ANO8: variants seen among roughly 807,000 people sequenced by gnomAD.
The protein encoded by ANO8 is anoctamin 8.
ANO8 carries 67 observed loss-of-function variants against 120.4 expected under a neutral mutation model. That is an observed-to-expected ratio of 0.56 (90% confidence interval 0.46 to 0.68). The LOEUF is 0.68. Among genes scored for constraint, ANO8 ranks in the 30% least tolerant of loss-of-function variants. The pLI is 0.00. For synonymous variants in ANO8, 727 were observed against 759.2 expected, an observed-to-expected ratio of 0.96 and a Z score of 0.70; for missense variants, 1,526 against 1,737.6, an observed-to-expected ratio of 0.88 and a Z score of 2.16.
Position 17,333,906 on chromosome 19 carries a change from G to A in ANO8, c.107-106C>T. 1.1e-6 allele frequency: 1 copy of A among 886,748 alleles called. No individual in the cohort carries two copies. The highest frequency in any genetic ancestry group is 1.8e-6 in the Non-Finnish European group (1 of 557,842). 54.9% of individuals were successfully genotyped at this position (886,748 alleles called of 1,614,324 possible). On this transcript the variant is annotated intron_variant, in intron 1 of 17. Transcript: ENST00000159087. This position sits in a 1 kb window ranked among gnomAD's most constrained non-coding sequence, Gnocchi z 7.2. ...GCCAGGGCTCCTCACCACTCCACCTGGCATTCAAGGCCCCGGGAGCTCTGG... is the reference window on the plus strand; with the variant it reads ...GCCAGGGCTCCTCACCACTCCACCTAGCATTCAAGGCCCCGGGAGCTCTGG...
Position 17,328,156 on chromosome 19 carries a change from C to CGAGGCCCCGCCCCCTG in ANO8, c.2226+5_2226+6insCAGGGGGCGGGGCCTC. 2 of 1,409,978 alleles carry CGAGGCCCCGCCCCCTG rather than the reference C, an allele frequency of 1.4e-6. No homozygotes were observed. Among genetic ancestry groups the CGAGGCCCCGCCCCCTG allele is most frequent in the Non-Finnish European group, 1.9e-6 (2 of 1,025,658 alleles). The allele number at this position is 1,409,978 out of a possible 1,614,324, so 87.3% of individuals were successfully genotyped here. ...CGCCCCCTGCGAGGCCCCGCCCCCT[C>CGAGGCCCCGCCCCCTG]CTCACCTCGTACTTCTTCATACAGC... On this transcript the variant is annotated splice_donor_region_variant and intron_variant, in intron 13 of 17. Coordinates refer to ENST00000159087, the MANE Select transcript of ANO8 (RefSeq NM_020959.3).
At chr19:17,327,936 C>T in intron 13 of ANO8, 56 bp from the exon 14 acceptor site, 1 of 1,576,864 alleles carries the variant, frequency 6.3e-7, no homozygotes, top group South Asian at 1.2e-5. Context: ...AATCTTTCTC[C>T]CATTGAGCCC....
In ANO8 at chr19:17,327,516, G is replaced by T; in HGVS notation, c.2472C>A (p.Ile824=). Residue 824 remains isoleucine (I), a synonymous_variant, in exon 15 of 18, where the codon ATC becomes ATA. Transcript: ENST00000159087. ...GGCGCTGCAGCTGCCCGCACTGGCCGATTAAGTAGCAGTTGACCACAATCG... is the reference window on the plus strand; with the variant it reads ...GGCGCTGCAGCTGCCCGCACTGGCCTATTAAGTAGCAGTTGACCACAATCG... ...VLAIVVNCYL[I]GQCGQLQRLF... is the part of the protein sequence containing the mutation. 4.3e-6 allele frequency: 7 copies of T among 1,613,414 alleles called. No homozygotes were observed. The highest frequency in any genetic ancestry group is 5.9e-6 in the Non-Finnish European group (7 of 1,179,886).
At chr19:17,327,658 C>T (rs1041086763) in intron 14 of ANO8, 31 bp downstream of exon 14, 29 of 1,609,416 alleles carry the variant, frequency 1.8e-5, no homozygotes, top group Non-Finnish European at 2.0e-5. Flanking sequence ...TCCCTCTGGG[C>T]CTCAGCTCGG....
Position 17,328,274 on chromosome 19 carries a change from G to A in ANO8, c.2114C>T (p.Ser705Leu), listed in dbSNP as rs888181588. ...GTTCTGCCGTCTCTGCCTACGGGTC[G>A]AATCGCTGTTGGAGCCGGGTTCCGG... The part of the protein sequence containing the change: ...PDPEPGSNSD[S>L]TRRQRRQNRS... Residue 705 changes from serine (S) to leucine (L), a missense_variant, in exon 13 of 18, where the codon TCG becomes TTG. Coordinates refer to ENST00000159087, the MANE Select transcript of ANO8 (RefSeq NM_020959.3). 6.2e-7 allele frequency: 1 copy of A among 1,610,002 alleles called. No individual in the cohort carries two copies. Among genetic ancestry groups the A allele is most frequent in the Non-Finnish European group, 8.5e-7 (1 of 1,178,618 alleles).
Position 17,328,516 on chromosome 19 carries a change from C to A in ANO8, c.1872G>T (p.Ala624=). The change falls in exon 13 of 18, where the codon GCG becomes GCT. Residue 624 remains alanine, a synonymous_variant. Transcript: ENST00000159087. ...GGCTTGGGCCGGGCCGACGCCGCCC[C>A]GCGCCGCGCTCAGCGAAGCTGACCT... ...LKKVSFAERG[A]GRRRPGPSPE... 6.4e-7 allele frequency: 1 copy of A among 1,552,568 alleles called. No homozygotes were observed. Among genetic ancestry groups the A allele is most frequent in the Non-Finnish European group, 8.7e-7 (1 of 1,150,358 alleles).
At position 17,324,588 on chromosome 19, in the gene ANO8, C is replaced by G. The variant is rs1430480441; in HGVS notation, c.3331+129G>C. On this transcript the variant is annotated intron_variant, in intron 17 of 17. Transcript: ENST00000159087. ...ACTGAGAGGCTCCACGTACCACTGA[C>G]CCAGGTCCCCACCAGGACCTAAGAC... is the stretch of plus-strand genomic sequence containing the variant. 8.3e-6 allele frequency: 12 copies of G among 1,447,900 alleles called. No homozygotes were observed. The East Asian group carries it at 2.9e-4, about 35-fold the overall frequency. 89.7% of individuals were successfully genotyped at this position (1,447,900 alleles called of 1,614,324 possible). A position where few individuals can be genotyped will look rare whatever the true frequency, so the allele number is the denominator to read the frequency against.
At chr19:17,325,410 C>G in intron 16 of ANO8, 24 bp from the exon 17 acceptor site, 1 of 1,558,710 alleles carries the variant, frequency 6.4e-7, no homozygotes, top group Non-Finnish European at 8.6e-7. Context: ...CAAGCCGTTA[C>G]AGGACTAAGA....
chr19:17,326,178 G>C (rs546663963), intron 16 of ANO8, among the ~76,000 whole-genome samples: 3 of 152,154 alleles, frequency 2.0e-5, no homozygotes, highest in East Asian at 3.9e-4. Context: ...AGCCTCAACC[G>C]ATCCCCTGCT....
chr19:17,329,644 G>A (rs1485809017), intron 12 of ANO8, 113 bp downstream of exon 12: 1 of 749,282 alleles, frequency 1.3e-6, no homozygotes, highest in Non-Finnish European at 2.2e-6. Context: ...AGGAGAGAAG[G>A]ATGGAGGAGG....
chr19:17,330,053 C>T, intron 10 of ANO8, 39 bp from the exon 11 acceptor site: 2 of 1,613,762 alleles, frequency 1.2e-6, no homozygotes, highest in Non-Finnish European at 1.7e-6. Context: ...CAGCCGCGGT[C>T]CCCCCAAGGG....
chr19:17,324,994 G>A lies in ANO8; in HGVS notation c.3054C>T (p.Asp1018=). The A allele has an allele frequency of 6.2e-7, 1 of 1,612,894 alleles. No homozygotes were observed. The highest frequency in any genetic ancestry group is 8.5e-7 in the Non-Finnish European group (1 of 1,179,910). The change falls in exon 17 of 18, where the codon GAC becomes GAT. Residue 1018 remains aspartate (D), a synonymous_variant. Coordinates refer to ENST00000159087, the MANE Select transcript of ANO8 (RefSeq NM_020959.3). The part of the protein sequence containing the change: ...PPPAQSPTGS[D]TRLPAFLSFK... ...AGCTGAGGAAGGCAGGCAGGCGGGTGTCGCTGCCTGTGGGTGACTGGGCAG... is the reference window on the plus strand; with the variant it reads ...AGCTGAGGAAGGCAGGCAGGCGGGTATCGCTGCCTGTGGGTGACTGGGCAG...
In ANO8 at chr19:17,333,292, C is replaced by G; in HGVS notation, c.351-53G>C. The G allele has an allele frequency of 1.2e-6, 2 of 1,602,186 alleles. No homozygotes were observed. The highest frequency in any genetic ancestry group is 1.7e-6 in the Non-Finnish European group (2 of 1,172,460). ...CACAGGGAGGCCCCGGCCCACCATCCTGGAGCTGAGGATGGTGCACCTGGC... is the reference window on the plus strand; with the variant it reads ...CACAGGGAGGCCCCGGCCCACCATCGTGGAGCTGAGGATGGTGCACCTGGC... On this transcript the variant is annotated intron_variant, in intron 3 of 17. Transcript: ENST00000159087. The surrounding 1 kb of genome is among the most constrained non-coding windows in gnomAD (Gnocchi z 7.2).
chr19:17,327,648 T>C (rs773686108), intron 14 of ANO8, 41 bp downstream of exon 14: 1 of 1,607,940 alleles, frequency 6.2e-7, no homozygotes, highest in East Asian at 2.2e-5. Context: ...GCACCTGGGC[T>C]CCCTCTGGGC....
At chr19:17,332,403 C>T (rs28553527) in intron 5 of ANO8, among the ~76,000 whole-genome samples, 5 of 152,126 alleles carry the variant, frequency 3.3e-5, no homozygotes, top group African/African-American at 1.2e-4. Context: ...TGCGCCTGTT[C>T]CCCTGCTTTA....
chr19:17,333,367 T>C lies in ANO8; in HGVS notation c.350+55A>G. The C allele has an allele frequency of 6.2e-7, 1 of 1,612,260 alleles. No homozygotes were observed. Among genetic ancestry groups the C allele is most frequent in the Non-Finnish European group, 8.5e-7 (1 of 1,179,326 alleles). On this transcript the variant is annotated intron_variant, in intron 3 of 17. Transcript: ENST00000159087. This position sits in a 1 kb window ranked among gnomAD's most constrained non-coding sequence, Gnocchi z 7.2. Reference sequence around the variant, plus strand: ...GCTGGATAGCATGGTTGGCACTTGGTAGAGCGGGGAGTCGGGTGGCAGGCT... The same window carrying C: ...GCTGGATAGCATGGTTGGCACTTGGCAGAGCGGGGAGTCGGGTGGCAGGCT...
Position 17,330,472 on chromosome 19 carries a change from G to A in ANO8, c.1026C>T (p.Ala342=), listed in dbSNP as rs200317906. The part of the protein sequence containing the change: ...GVRRISPITR[A]EEFYYPPWKR... ...TCCAGGGCGGGTAGTAGAACTCCTCGGCCCGCGTGATGGGGCTGATACGTC... is the reference window on the plus strand; with the variant it reads ...TCCAGGGCGGGTAGTAGAACTCCTCAGCCCGCGTGATGGGGCTGATACGTC... The change falls in exon 9 of 18, where the codon GCC becomes GCT. Residue 342 remains alanine (A), a synonymous_variant. Transcript: ENST00000159087. 17 of 1,552,088 alleles carry A rather than the reference G, an allele frequency of 1.1e-5. No homozygotes were observed. The highest frequency in any genetic ancestry group is 1.3e-5 in the Non-Finnish European group (15 of 1,147,926).
intron 13 of ANO8, 98 bp from the exon 14 acceptor site, chr19:17,327,978 G>A: frequency 1.3e-6 from 2 of 1,494,432 alleles, no homozygotes; most frequent in Non-Finnish European, 1.8e-6. Context: ...GTGGACCCAG[G>A]GCCTGTCCCC....
At chr19:17,329,569 C>T (rs1472566868) in intron 12 of ANO8, 188 bp downstream of exon 12, 27 of 609,656 alleles carry the variant, frequency 4.4e-5, no homozygotes, top group Admixed American at 3.2e-4. Context: ...GACAGATGGA[C>T]GGACAGATGG....
Sources: allele counts gnomAD v4.1 joint callset (sites outside exome capture counted in the v4.1 genomes callset), GRCh38; gene constraint gnomAD v4.1.1; non-coding constraint Gnocchi (gnomAD v3.1); transcripts MANE v1.5; gene names NCBI Gene and HGNC (gene_info 2026-07-23, HGNC 2026-07-21).